SCG5: variants seen among roughly 807,000 people sequenced by gnomAD.
The protein encoded by SCG5 is secretogranin V.
A neutral mutation model predicts 25.7 loss-of-function variants in SCG5; 18 were observed. The ratio of observed to expected loss-of-function variants is 0.70; its 90% CI spans 0.48 to 1.04. SCG5 has a LOEUF of 1.04. SCG5 is among the 50% of genes least tolerant of loss of function. The pLI is 0.00. For missense variants in SCG5, 206 were observed against 259.8 expected, an observed-to-expected ratio of 0.79 and a Z score of 1.42; for synonymous variants, 101 against 91.7, an observed-to-expected ratio of 1.10 and a Z score of -0.58.
At chr15:32,695,520 A>G (rs2054941984) in intron 5 of SCG5, among the ~76,000 whole-genome samples, 1 of 152,136 alleles carries the variant, frequency 6.6e-6, no homozygotes. Flanking sequence ...CCAACACATG[A>G]AAGTGATTTC....
At chr15:32,652,433 T>C (rs866246871) in intron 2 of SCG5, among the ~76,000 whole-genome samples, 2 of 152,134 alleles carry the variant, frequency 1.3e-5, no homozygotes, top group Non-Finnish European at 2.9e-5. Context: ...AAGGTTGTTT[T>C]AGGATGTGAG....
chr15:32,693,484 T>A (rs1047192638), intron 5 of SCG5, among the ~76,000 whole-genome samples: 1 of 152,190 alleles, frequency 6.6e-6, no homozygotes, highest in Non-Finnish European at 1.5e-5. Context: ...CTCTCTGGAT[T>A]GATAAGGAAG....
chr15:32,645,866 G>A (rs1339796784), intron 2 of SCG5, among the ~76,000 whole-genome samples: 2 of 152,078 alleles, frequency 1.3e-5, no homozygotes, highest in Admixed American at 1.3e-4. Context: ...TGTCACCCAG[G>A]CTGGAGTGCA....
chr15:32,648,845 C>T (rs1294621127), intron 2 of SCG5, among the ~76,000 whole-genome samples: 1 of 151,670 alleles, frequency 6.6e-6, no homozygotes, highest in African/African-American at 2.4e-5. Flanking sequence ...GATCTCGGCT[C>T]ACTGCAAGCT....
intron 4 of SCG5, among the ~76,000 whole-genome samples, chr15:32,689,841 CTTTTT>C (rs537073829): frequency 2.2e-5 from 3 of 135,046 alleles, no homozygotes; most frequent in African/African-American, 2.7e-5. Context: ...TTTTGCATTT[CTTTTT>C]TTTTTTTTTT....
intron 2 of SCG5, among the ~76,000 whole-genome samples, chr15:32,667,780 C>G (rs2054345624): frequency 6.6e-6 from 1 of 151,346 alleles, no homozygotes; most frequent in African/African-American, 2.4e-5. Context: ...GCAAGTGATT[C>G]TCCTGCCTCA....
intron 2 of SCG5, among the ~76,000 whole-genome samples, chr15:32,677,002 TAAATG>T (rs1245075210): frequency 6.6e-6 from 1 of 152,196 alleles, no homozygotes; most frequent in East Asian, 1.9e-4. Flanking sequence ...AATATAATTA[TAAATG>T]TTGATAAATT....
Position 32,643,574 on chromosome 15 carries a change from T to C in SCG5, c.-7-12T>C, listed in dbSNP as rs2053898782. 6.3e-7 allele frequency: 1 copy of C among 1,597,262 alleles called. No individual in the cohort carries two copies. Among genetic ancestry groups the C allele is most frequent in the Admixed American group, 1.7e-5 (1 of 59,976 alleles). On this transcript the variant is annotated splice_polypyrimidine_tract_variant and intron_variant, in intron 1 of 5. Transcript: ENST00000300175. Reference sequence around the variant, plus strand: ...GTAGCCTATCAGTATACATTTGGTCTTTTATCTGCAGGTTGACAATGGTCT... The same window carrying C: ...GTAGCCTATCAGTATACATTTGGTCCTTTATCTGCAGGTTGACAATGGTCT...
chr15:32,690,641 A>T (rs2054834052), intron 4 of SCG5, among the ~76,000 whole-genome samples: 2 of 152,214 alleles, frequency 1.3e-5, no homozygotes, highest in South Asian at 4.1e-4. Flanking sequence ...TGTAAATTGC[A>T]GGTGGGGTAG....
intron 2 of SCG5, among the ~76,000 whole-genome samples, chr15:32,675,274 T>G (rs1259071892): frequency 5.3e-5 from 8 of 152,222 alleles, no homozygotes; most frequent in Non-Finnish European, 4.4e-5. Flanking sequence ...TTAATGGTAT[T>G]CTTTTCTCAA....
chr15:32,663,032 A>AATAT lies in SCG5; in HGVS notation c.227-16690_227-16687dup, dbSNP rs67571496. ...AAGATTAGGGCTGTTAAAAAAAAAG[A>AATAT]ATATATATATATATATATATATATA... is the stretch of plus-strand genomic sequence containing the variant. On this transcript the variant is annotated intron_variant, in intron 2 of 5. Transcript: ENST00000300175. Among the ~76,000 whole-genome samples the AATAT allele has an allele frequency of 5.7e-3, 448 of 78,980 alleles. 3 individuals carry two copies. Among genetic ancestry groups the AATAT allele is most frequent in the Non-Finnish European group, 8.2e-3 (319 of 38,884 alleles). 51.8% of individuals were successfully genotyped at this position (78,980 alleles called of 152,430 possible). A position where few individuals can be genotyped will look rare whatever the true frequency, so the allele number is the denominator to read the frequency against.
chr15:32,690,863 T>C (rs2054838825), intron 4 of SCG5, among the ~76,000 whole-genome samples: 1 of 151,962 alleles, frequency 6.6e-6, no homozygotes, highest in South Asian at 2.1e-4. Context: ...AATCACCTCT[T>C]TTATACATCA....
At chr15:32,678,340 T>G (rs1239969894) in intron 2 of SCG5, among the ~76,000 whole-genome samples, 1 of 152,192 alleles carries the variant, frequency 6.6e-6, no homozygotes, top group Non-Finnish European at 1.5e-5. Flanking sequence ...TTATGTAAAA[T>G]GTTCATACAA....
rs544901763 is a variant in SCG5 at position 32,674,014 on chromosome 15, C to T, written c.227-5752C>T. Among the ~76,000 whole-genome samples, 49 of 152,286 alleles carry T rather than the reference C, an allele frequency of 3.2e-4. No homozygotes were observed. The South Asian group carries it at 6.0e-3, about 19-fold the overall frequency. On this transcript the variant is annotated intron_variant, in intron 2 of 5. Coordinates refer to ENST00000300175, the MANE Select transcript of SCG5 (RefSeq NM_001144757.3). ...CATTATAGGTGTGAGCCACCGCACC[C>T]GGCCCATTTAATATAGTTTTATATC...
In SCG5 at chr15:32,658,566, C is replaced by A. The variant is rs190960683; in HGVS notation, c.226+14748C>A. 1.3e-3 allele frequency among the ~76,000 whole-genome samples: 202 copies of A among 152,332 alleles called. 2 individuals carry two copies. The highest frequency in any genetic ancestry group is 2.8e-4 in the Non-Finnish European group (19 of 68,024). Reference sequence around the variant, plus strand: ...TTAAGGCTGTCGCCAAGTTTTTCTGCTTAAAGAGCATCTGGGCACAGTGGC... The same window carrying A: ...TTAAGGCTGTCGCCAAGTTTTTCTGATTAAAGAGCATCTGGGCACAGTGGC... On this transcript the variant is annotated intron_variant, in intron 2 of 5. Transcript: ENST00000300175.
chr15:32,669,861 C>A (rs1413244727), intron 2 of SCG5, among the ~76,000 whole-genome samples: 3 of 145,160 alleles, frequency 2.1e-5, no homozygotes, highest in Non-Finnish European at 4.6e-5. Flanking sequence ...AAAACAAACA[C>A]CGCTTCAGAA....
chr15:32,678,429 G>C (rs1484780107), intron 2 of SCG5, among the ~76,000 whole-genome samples: 2 of 151,970 alleles, frequency 1.3e-5, no homozygotes, highest in Non-Finnish European at 2.9e-5. Flanking sequence ...GTAAATATAT[G>C]GGAAGATATT....
intron 1 of SCG5, 74 bp downstream of exon 1, chr15:32,641,852 C>A (rs1011613462): frequency 1.3e-5 from 2 of 152,258 alleles, no homozygotes; most frequent in African/African-American, 4.8e-5. Context: ...TGTGGGAGGG[C>A]GTCCTGCTAA....
At chr15:32,642,558 A>G in intron 1 of SCG5, among the ~76,000 whole-genome samples, 2 of 137,016 alleles carry the variant, frequency 1.5e-5, no homozygotes, top group Non-Finnish European at 1.6e-5. Context: ...ACAAGAGTGA[A>G]ACTCCGTCTC....
Sources: gnomAD v4.1 joint callset for allele counts (sites outside exome capture counted in the v4.1 genomes callset) on GRCh38, gnomAD v4.1.1 for gene constraint, MANE v1.5 for transcripts, NCBI Gene and HGNC (gene_info 2026-07-23, HGNC 2026-07-21) for gene names.